Variants in GRIK4 observed in about 807,000 individuals in gnomAD.
The protein encoded by GRIK4 is glutamate ionotropic receptor kainate type subunit 4.
GRIK4 carries 40 observed loss-of-function variants against 104.9 expected under a neutral mutation model. The observed-to-expected ratio is 0.38, with a 90% CI of 0.30 to 0.50. The LOEUF (loss-of-function observed/expected upper bound fraction) is 0.50. Among genes scored for constraint, GRIK4 ranks in the 20% least tolerant of loss-of-function variants. The pLI is 0.93. For missense variants in GRIK4, 1,047 were observed against 1,308.1 expected (o/e 0.80, Z 3.08); for synonymous variants, 485 against 524.9 (o/e 0.92, Z 1.04).
intron 1 of GRIK4, among the ~76,000 whole-genome samples, chr11:120,618,205 T>C (rs1949139993): frequency 6.6e-6 from 1 of 152,220 alleles, no homozygotes; most frequent in African/African-American, 2.4e-5. Flanking sequence ...GGCTTCCTAG[T>C]GTCCCTGTTC....
chr11:120,945,216 G>A (rs1591314775), intron 14 of GRIK4, among the ~76,000 whole-genome samples: 1 of 152,060 alleles, frequency 6.6e-6, no homozygotes, highest in Non-Finnish European at 1.5e-5. Context: ...GCCAGCTAAC[G>A]AACTCTTTCC....
intron 11 of GRIK4, among the ~76,000 whole-genome samples, chr11:120,878,962 A>G (rs1592027808): frequency 6.6e-6 from 1 of 152,300 alleles, no homozygotes; most frequent in Admixed American, 6.5e-5. Flanking sequence ...AGGGGAAATA[A>G]CATCTTTTGA....
rs982233631 is a variant in GRIK4, at chr11:120,555,849, C to T, written c.-159+43962C>T. ...AAGAATCATGGCCATGCTGGGGCCA[C>T]GCGTCTTGGGAGCAACAGAAAATGC... On this transcript the variant is annotated intron_variant, in intron 1 of 20. Coordinates refer to ENST00000527524, the MANE Select transcript of GRIK4 (RefSeq NM_014619.5). The surrounding 1 kb of genome is among the most constrained non-coding windows in gnomAD (Gnocchi z 5.3). Among the ~76,000 whole-genome samples the T allele has an allele frequency of 3.9e-5, 6 of 152,092 alleles. No homozygotes were observed. Among genetic ancestry groups the T allele is most frequent in the East Asian group, 1.9e-4 (1 of 5,184 alleles).
chr11:120,832,067 C>G, intron 7 of GRIK4, 37 bp downstream of exon 7: 2 of 1,447,712 alleles, frequency 1.4e-6, no homozygotes, highest in South Asian at 1.3e-5. Flanking sequence ...CCCTGCTGAG[C>G]TCCACCCTCC....
intron 3 of GRIK4, among the ~76,000 whole-genome samples, chr11:120,738,917 G>A (rs1032120376): frequency 2.0e-4 from 31 of 152,258 alleles, no homozygotes; most frequent in East Asian, 1.9e-4. Context: ...TGGAGACGCA[G>A]CCGGTAGGGA....
intron 8 of GRIK4, among the ~76,000 whole-genome samples, chr11:120,844,681 C>A (rs1953807905): frequency 6.6e-6 from 1 of 152,156 alleles, no homozygotes; most frequent in South Asian, 2.1e-4. Flanking sequence ...TTCCGCAGGA[C>A]CCCCGGTACT....
At chr11:120,945,206 G>T (rs1156282000) in intron 14 of GRIK4, among the ~76,000 whole-genome samples, 1 of 152,076 alleles carries the variant, frequency 6.6e-6, no homozygotes, top group East Asian at 1.9e-4. Flanking sequence ...CTGCCTCTCA[G>T]CCAGCTAACG....
Position 120,692,318 on chromosome 11 carries a change from G to A in GRIK4, c.82+31918G>A, listed in dbSNP as rs188152130. ...TCTGCTTCTCAGAATTAGCCCCACC[G>A]GGGCACAGTTACTCGTTTAAAACCT... On this transcript the variant is annotated intron_variant, in intron 3 of 20. Coordinates refer to ENST00000527524, the MANE Select transcript of GRIK4 (RefSeq NM_014619.5). Among the ~76,000 whole-genome samples the A allele has an allele frequency of 4.6e-5, 7 of 152,334 alleles. No individual in the cohort carries two copies. In the East Asian group the frequency reaches 1.2e-3, roughly 25 times the overall value.
At chr11:120,875,437 C>T (rs996872397) in intron 11 of GRIK4, among the ~76,000 whole-genome samples, 194 bp downstream of exon 11, 6 of 152,074 alleles carry the variant, frequency 3.9e-5, no homozygotes, top group African/African-American at 1.2e-4. Flanking sequence ...AGGGACTGCA[C>T]CCCCAGCAAA....
At chr11:120,717,957 G>A (rs1367035856) in intron 3 of GRIK4, among the ~76,000 whole-genome samples, 1 of 152,178 alleles carries the variant, frequency 6.6e-6, no homozygotes, top group Non-Finnish European at 1.5e-5. Context: ...GCGTCTGTAA[G>A]CTGAGGCGGC....
At chr11:120,652,917 C>T (rs1949640580) in intron 1 of GRIK4, among the ~76,000 whole-genome samples, 1 of 152,208 alleles carries the variant, frequency 6.6e-6, no homozygotes, top group South Asian at 2.1e-4. Context: ...ATACCATGAG[C>T]TGTCTGCAGG....
rs184138880 is a variant in GRIK4 at position 120,750,495 on chromosome 11, T to G, written c.83-52198T>G. On this transcript the variant is annotated intron_variant, in intron 3 of 20. Transcript: ENST00000527524. ...GATTCTCCTGCCTCAGCCTCCTAAGTAGCTGGAATTACAGGCATGTGCCAC... is the reference window on the plus strand; with the variant it reads ...GATTCTCCTGCCTCAGCCTCCTAAGGAGCTGGAATTACAGGCATGTGCCAC... 1.1e-3 allele frequency among the ~76,000 whole-genome samples: 160 copies of G among 151,916 alleles called. 1 individual carries two copies. Among genetic ancestry groups the G allele is most frequent in the African/African-American group, 3.7e-3 (155 of 41,438 alleles).
chr11:120,794,632 C>G (rs1952475973), intron 3 of GRIK4, among the ~76,000 whole-genome samples: 1 of 152,116 alleles, frequency 6.6e-6, no homozygotes, highest in South Asian at 2.1e-4. Context: ...CATCCGCACA[C>G]CAAGGAGAGA....
intron 1 of GRIK4, among the ~76,000 whole-genome samples, chr11:120,554,713 C>T (rs970878349): frequency 6.6e-6 from 1 of 152,166 alleles, no homozygotes; most frequent in African/African-American, 2.4e-5. Flanking sequence ...CGCCCGCCAC[C>T]ATGCCTGGCT....
At chr11:120,957,220 G>A (rs894667966) in intron 16 of GRIK4, among the ~76,000 whole-genome samples, 5 of 152,224 alleles carry the variant, frequency 3.3e-5, no homozygotes, top group Non-Finnish European at 7.3e-5. Flanking sequence ...TGACAAAACA[G>A]CCTTGATGAA....
At chr11:120,833,331 CTCTTT>C (rs749086513) in intron 7 of GRIK4, among the ~76,000 whole-genome samples, 1 of 152,112 alleles carries the variant, frequency 6.6e-6, no homozygotes, top group African/African-American at 2.4e-5. Context: ...CAATATTTTT[CTCTTT>C]TCTTCCTTTT....
intron 3 of GRIK4, among the ~76,000 whole-genome samples, chr11:120,694,658 A>G (rs188073552): frequency 2.0e-5 from 3 of 152,266 alleles, no homozygotes; most frequent in Admixed American, 6.5e-5. Flanking sequence ...AGCCTGGTTA[A>G]CAGCCCAGCC....
intron 3 of GRIK4, among the ~76,000 whole-genome samples, chr11:120,761,067 G>A (rs926099647): frequency 6.6e-6 from 1 of 152,144 alleles, no homozygotes; most frequent in Non-Finnish European, 1.5e-5. Flanking sequence ...CCCACCAACA[G>A]TGTAAAAACG....
chr11:120,872,784 G>T, intron 9 of GRIK4: 1 of 186,578 alleles, frequency 5.4e-6, no homozygotes, highest in Non-Finnish European at 1.1e-5. Flanking sequence ...TTTTTGCCAG[G>T]GACCCCGCAT....
Sources: gnomAD v4.1 joint callset for allele counts (sites outside exome capture counted in the v4.1 genomes callset) on GRCh38, gnomAD v4.1.1 for gene constraint, Gnocchi (gnomAD v3.1) non-coding constraint, MANE v1.5 for transcripts, NCBI Gene and HGNC (gene_info 2026-07-23, HGNC 2026-07-21) for gene names.